The following TOM1L2 variants were observed in gnomAD, a reference collection of about 807,000 sequenced individuals.
TOM1L2 encodes the protein target of myb1 like 2 membrane trafficking protein, also known as TOM1-like protein 2.
TOM1L2 carries 31 observed loss-of-function variants against 67.9 expected under a neutral mutation model. The ratio of observed to expected loss-of-function variants is 0.46; its 90% CI spans 0.34 to 0.62. The LOEUF (loss-of-function observed/expected upper bound fraction) is 0.62, where lower values mean the gene tolerates loss of function less well. Ranked by LOEUF, TOM1L2 falls within the 20% of genes least tolerant of loss-of-function variation. The pLI is 0.01. For synonymous variants in TOM1L2, 256 were observed against 254.0 expected (o/e 1.01, Z -0.07); for missense variants, 606 against 663.5 (o/e 0.91, Z 0.95).
chr17:17,969,079 C>T (rs1459673854), intron 1 of TOM1L2, among the ~76,000 whole-genome samples: 1 of 145,052 alleles, frequency 6.9e-6, no homozygotes, highest in Admixed American at 7.0e-5. Flanking sequence ...TTTTTGGAGA[C>T]AGAGTCTCAC....
intron 1 of TOM1L2, among the ~76,000 whole-genome samples, chr17:17,929,703 G>C (rs1270370391): frequency 6.6e-6 from 1 of 152,130 alleles, no homozygotes; most frequent in Non-Finnish European, 1.5e-5. Context: ...TTAACTTTTT[G>C]GATAAGATGT....
intron 1 of TOM1L2, among the ~76,000 whole-genome samples, chr17:17,912,583 C>T (rs1416154616): frequency 6.8e-6 from 1 of 145,998 alleles, no homozygotes; most frequent in Non-Finnish European, 1.5e-5. Flanking sequence ...ACATCTCAGA[C>T]GATGGGCGGC....
At chr17:17,882,099 C>G (rs553448714) in intron 6 of TOM1L2, among the ~76,000 whole-genome samples, 27 of 152,262 alleles carry the variant, frequency 1.8e-4, no homozygotes, top group Admixed American at 8.5e-4. Context: ...CAGGAAGTAA[C>G]CCGGGAGGGT....
chr17:17,875,628 C>T (rs943879738), intron 7 of TOM1L2, among the ~76,000 whole-genome samples: 4 of 152,244 alleles, frequency 2.6e-5, no homozygotes, highest in African/African-American at 7.2e-5. Flanking sequence ...CAAAAGCCCT[C>T]CAACTATTAG....
chr17:17,870,315 T>G (rs897709556), intron 7 of TOM1L2, among the ~76,000 whole-genome samples: 2 of 152,180 alleles, frequency 1.3e-5, no homozygotes, highest in Non-Finnish European at 2.9e-5. Flanking sequence ...GAGCCTTCCC[T>G]GTTCCAGAAC....
At chr17:17,883,379 T>C (rs923270767) in intron 5 of TOM1L2, among the ~76,000 whole-genome samples, 1 of 152,220 alleles carries the variant, frequency 6.6e-6, no homozygotes, top group Non-Finnish European at 1.5e-5. Flanking sequence ...ACAGGTTATG[T>C]TGATTTCACA....
intron 1 of TOM1L2, among the ~76,000 whole-genome samples, chr17:17,935,682 C>T (rs2040487813): frequency 6.6e-6 from 1 of 152,178 alleles, no homozygotes; most frequent in South Asian, 2.1e-4. Context: ...CTGAATTATA[C>T]ACCTTATTAT....
intron 1 of TOM1L2, among the ~76,000 whole-genome samples, chr17:17,969,471 T>C: frequency 7.2e-6 from 1 of 139,154 alleles, no homozygotes; most frequent in East Asian, 2.5e-4. Flanking sequence ...CTAACAACAC[T>C]AAATATCAAG....
intron 13 of TOM1L2, among the ~76,000 whole-genome samples, chr17:17,850,514 C>A (rs12941550): frequency 0.52 from 78,894 of 150,560 alleles, 21,741 homozygotes; most frequent in Non-Finnish European, 0.63. Context: ...CAAAACAAAA[C>A]AAAAAACATG....
chr17:17,914,419 G>A (rs2144532824), intron 1 of TOM1L2, among the ~76,000 whole-genome samples: 1 of 152,300 alleles, frequency 6.6e-6, no homozygotes, highest in Non-Finnish European at 1.5e-5. Flanking sequence ...CTCCCTTGGG[G>A]GGCTCTGATT....
At chr17:17,847,828 C>A in intron 14 of TOM1L2, 45 bp from the exon 15 acceptor site, 1 of 1,612,442 alleles carries the variant, frequency 6.2e-7, no homozygotes, top group Non-Finnish European at 8.5e-7. Context: ...TGAGGGCAGG[C>A]CACCAGAGGA....
At chr17:17,896,647 T>C (rs923779526) in intron 3 of TOM1L2, among the ~76,000 whole-genome samples, 1 of 152,130 alleles carries the variant, frequency 6.6e-6, no homozygotes, top group Non-Finnish European at 1.5e-5. Context: ...TTTGTCCCTA[T>C]AGGTTGAAAG....
In TOM1L2 at chr17:17,879,484, T is replaced by A. The variant is rs2037600233; in HGVS notation, c.777+143A>T. 4.6e-6 allele frequency: 3 copies of A among 645,586 alleles called. No homozygotes were observed. The African/African-American group carries it at 5.4e-5, about 12-fold the overall frequency. The allele number at this position is 645,586 out of a possible 1,614,324, so 40.0% of individuals were successfully genotyped here. A position where few individuals can be genotyped will look rare whatever the true frequency, so the allele number is the denominator to read the frequency against. ...TGCCTGTCCGTAGGCAACGTGAGGC[T>A]GCATGTGTGCTCACATGGACTATCA... On this transcript the variant is annotated intron_variant, in intron 7 of 14. Transcript: ENST00000379504.
At chr17:17,966,573 C>G (rs1191610161) in intron 1 of TOM1L2, among the ~76,000 whole-genome samples, 1 of 152,158 alleles carries the variant, frequency 6.6e-6, no homozygotes, top group African/African-American at 2.4e-5. Context: ...TTTAACAAGC[C>G]CTCCAGGTGA....
intron 1 of TOM1L2, among the ~76,000 whole-genome samples, chr17:17,917,878 C>T (rs1337441544): frequency 6.6e-6 from 1 of 151,710 alleles, no homozygotes; most frequent in African/African-American, 2.4e-5. Flanking sequence ...TGACTTGAGC[C>T]CGGGAGGTCA....
intron 2 of TOM1L2, among the ~76,000 whole-genome samples, chr17:17,905,456 A>G (rs988171995): frequency 6.6e-6 from 1 of 152,194 alleles, no homozygotes; most frequent in African/African-American, 2.4e-5. Context: ...TGGCTCTACC[A>G]TCTAACACAT....
At chr17:17,913,905 CAATCT>C (rs2039515778) in intron 1 of TOM1L2, among the ~76,000 whole-genome samples, 1 of 152,178 alleles carries the variant, frequency 6.6e-6, no homozygotes. Flanking sequence ...TACCAAAGTG[CAATCT>C]CTGTACTTTC....
chr17:17,847,891 C>T (rs536090442), intron 14 of TOM1L2, 108 bp from the exon 15 acceptor site: 4 of 1,481,602 alleles, frequency 2.7e-6, no homozygotes, highest in African/African-American at 1.4e-5. Context: ...AGGCATGAAG[C>T]CCACCTAGGA....
chr17:17,849,007 T>C, intron 13 of TOM1L2, 148 bp from the exon 14 acceptor site: 2 of 656,762 alleles, frequency 3.0e-6, no homozygotes, highest in Non-Finnish European at 5.2e-6. Context: ...TCCAGATTTC[T>C]GTAATAGTAA....
Sources: gnomAD v4.1 joint callset for allele counts (sites outside exome capture counted in the v4.1 genomes callset) on GRCh38, gnomAD v4.1.1 for gene constraint, MANE v1.5 for transcripts, NCBI Gene and HGNC (gene_info 2026-07-23, HGNC 2026-07-21) for gene names.